Variants in CPNE8 observed in about 807,000 individuals in gnomAD.
CPNE8 encodes copine 8, also known as copine-8.
In CPNE8, 45 loss-of-function variants were observed where a neutral mutation model predicts 81.5. The observed-to-expected ratio is 0.55, with a 90% CI of 0.44 to 0.71. The LOEUF is 0.71. Ranked by LOEUF, CPNE8 falls within the 30% of genes least tolerant of loss-of-function variation. CPNE8 has a pLI of 0.00. For synonymous variants in CPNE8, 252 were observed against 226.3 expected (o/e 1.11, Z -1.02); for missense variants, 594 against 672.1 (o/e 0.88, Z 1.28).
intron 6 of CPNE8, among the ~76,000 whole-genome samples, chr12:38,795,976 C>G (rs1942459638): frequency 6.6e-6 from 1 of 151,996 alleles, no homozygotes; most frequent in Admixed American, 6.6e-5. Context: ...AAATCCTGAA[C>G]TCAGGCCAGG....
intron 3 of CPNE8, among the ~76,000 whole-genome samples, chr12:38,849,304 C>G (rs527507300): frequency 6.6e-6 from 1 of 152,304 alleles, no homozygotes; most frequent in South Asian, 2.1e-4. Flanking sequence ...ATTCCACTTT[C>G]TAGTCCTCCC....
intron 1 of CPNE8, among the ~76,000 whole-genome samples, chr12:38,890,285 T>G (rs1944296521): frequency 6.6e-6 from 1 of 152,212 alleles, no homozygotes; most frequent in South Asian, 2.1e-4. Flanking sequence ...AACTGAGCAC[T>G]TAGATACTTC....
intron 11 of CPNE8, among the ~76,000 whole-genome samples, chr12:38,725,948 G>A (rs1175784643): frequency 6.6e-6 from 1 of 152,186 alleles, no homozygotes. Context: ...CCCCACAGAT[G>A]GGGGTGGGGA....
chr12:38,660,374 C>T (rs1323005337), intron 19 of CPNE8, among the ~76,000 whole-genome samples: 1 of 152,152 alleles, frequency 6.6e-6, no homozygotes. Flanking sequence ...AAAGGATTCC[C>T]TATTTAATAA....
intron 5 of CPNE8, among the ~76,000 whole-genome samples, chr12:38,834,555 G>T (rs888696917): frequency 5.3e-5 from 8 of 152,054 alleles, no homozygotes; most frequent in African/African-American, 1.9e-4. Flanking sequence ...CCACTTCAAT[G>T]GTTTTTAACC....
At chr12:38,830,276 T>C (rs946878733) in intron 5 of CPNE8, among the ~76,000 whole-genome samples, 8 of 152,094 alleles carry the variant, frequency 5.3e-5, no homozygotes, top group East Asian at 3.9e-4. Flanking sequence ...ACACCTACTA[T>C]GTACTCACAA....
At chr12:38,854,725 C>T (rs1266800790) in intron 3 of CPNE8, among the ~76,000 whole-genome samples, 1 of 151,912 alleles carries the variant, frequency 6.6e-6, no homozygotes, top group Non-Finnish European at 1.5e-5. Flanking sequence ...AGAAAGTTTC[C>T]AGATAAAAAT....
At chr12:38,830,608 A>T (rs1943269876) in intron 5 of CPNE8, among the ~76,000 whole-genome samples, 1 of 152,236 alleles carries the variant, frequency 6.6e-6, no homozygotes, top group Non-Finnish European at 1.5e-5. Flanking sequence ...TTGTTTGTGT[A>T]CTGAACACGA....
chr12:38,755,274 C>T (rs1014748090), intron 10 of CPNE8, among the ~76,000 whole-genome samples: 2 of 152,020 alleles, frequency 1.3e-5, no homozygotes, highest in Non-Finnish European at 2.9e-5. Context: ...TGTTCACAAG[C>T]GGGGATTTTA....
intron 14 of CPNE8, among the ~76,000 whole-genome samples, chr12:38,695,678 C>T (rs547841794): frequency 6.6e-6 from 1 of 152,128 alleles, no homozygotes; most frequent in Middle Eastern, 3.2e-3. Context: ...AACTCTCATG[C>T]CTGAAATCCT....
chr12:38,797,142 CA>C (rs1200160581), intron 6 of CPNE8, among the ~76,000 whole-genome samples: 1 of 152,222 alleles, frequency 6.6e-6, no homozygotes, highest in Non-Finnish European at 1.5e-5. Context: ...AAAAAGACAG[CA>C]GTAACCTCTG....
chr12:38,764,474 G>T (rs946375317), intron 8 of CPNE8, among the ~76,000 whole-genome samples: 1 of 150,534 alleles, frequency 6.6e-6, no homozygotes, highest in East Asian at 2.0e-4. Flanking sequence ...AAAATTAGCC[G>T]GGCGTAGTGG....
chr12:38,758,675 T>C (rs1445647580), intron 10 of CPNE8, among the ~76,000 whole-genome samples: 1 of 152,114 alleles, frequency 6.6e-6, no homozygotes. Flanking sequence ...ATTGTGAAAA[T>C]TAAATAAGGA....
intron 3 of CPNE8, among the ~76,000 whole-genome samples, chr12:38,870,196 T>C (rs780029623): frequency 7.2e-5 from 11 of 152,200 alleles, no homozygotes; most frequent in Non-Finnish European, 1.5e-4. Flanking sequence ...GGTGGGAGTA[T>C]AAATTAGTTA....
chr12:38,905,746 C>T, upstream of CPNE8: 1 of 1,408,464 alleles, frequency 7.1e-7, no homozygotes, highest in South Asian at 1.5e-5. Flanking sequence ...GAAACTGACG[C>T]TGCCAGGCAA....
At chr12:38,796,201 C>T (rs915781762) in intron 6 of CPNE8, among the ~76,000 whole-genome samples, 6 of 152,006 alleles carry the variant, frequency 3.9e-5, no homozygotes, top group African/African-American at 1.2e-4. Flanking sequence ...GCAAAAGAAG[C>T]ACTTGAACTT....
intron 15 of CPNE8, among the ~76,000 whole-genome samples, chr12:38,688,076 G>A (rs781146933): frequency 1.6e-4 from 25 of 152,250 alleles, no homozygotes; most frequent in Non-Finnish European, 2.1e-4. Flanking sequence ...ATATAAAAAT[G>A]TATTATATAT....
chr12:38,742,169 A>C (rs549710279), intron 10 of CPNE8, among the ~76,000 whole-genome samples: 1 of 152,312 alleles, frequency 6.6e-6, no homozygotes, highest in Admixed American at 6.5e-5. Context: ...CAATCCCATT[A>C]CTGGGTATAT....
intron 3 of CPNE8, among the ~76,000 whole-genome samples, chr12:38,862,416 C>G (rs1002262085): frequency 1.3e-5 from 2 of 152,030 alleles, no homozygotes; most frequent in African/African-American, 4.8e-5. Context: ...GGCATCTTGT[C>G]AGCAACTTGT....
Sources: gnomAD v4.1 joint callset for allele counts (sites outside exome capture counted in the v4.1 genomes callset) on GRCh38, gnomAD v4.1.1 for gene constraint, MANE v1.5 for transcripts, NCBI Gene and HGNC (gene_info 2026-07-23, HGNC 2026-07-21) for gene names.